Variants in LINGO2 observed in about 807,000 individuals in gnomAD.
LINGO2 encodes the protein leucine rich repeat and Ig domain containing 2, also known as leucine-rich repeat and immunoglobulin-like domain-containing nogo receptor-interacting protein 2.
Under a neutral mutation model 30.6 loss-of-function variants are expected in LINGO2, and 14 were observed. That is an observed-to-expected ratio of 0.46 (90% CI 0.30 to 0.72). The LOEUF is 0.72. LINGO2 is among the 30% of genes least tolerant of loss of function. The pLI, the probability that LINGO2 is intolerant of heterozygous loss-of-function variation, is 0.07. For missense variants in LINGO2, 729 were observed against 751.7 expected, an observed-to-expected ratio of 0.97 and a Z score of 0.35; for synonymous variants, 317 against 288.5, an observed-to-expected ratio of 1.10 and a Z score of -1.00.
At chr9:28,759,068 A>C in the LINGO2 span, among the ~76,000 whole-genome samples, 1 of 151,960 alleles carries the variant, frequency 6.6e-6, no homozygotes, top group Non-Finnish European at 1.5e-5. Context: ...TAGAAGGAAT[A>C]TTTTTCCTTA....
At chr9:29,209,909 T>C in the LINGO2 span, among the ~76,000 whole-genome samples, 1 of 152,060 alleles carries the variant, frequency 6.6e-6, no homozygotes, top group Non-Finnish European at 1.5e-5. Flanking sequence ...AATTGGAGAA[T>C]CAGTAACTGA....
At chr9:28,932,896 T>TTTA in the LINGO2 span, among the ~76,000 whole-genome samples, 2 of 149,182 alleles carry the variant, frequency 1.3e-5, no homozygotes, top group African/African-American at 4.9e-5. Context: ...GTTACCTCTT[T>TTTA]TTATTATATT....
At chr9:28,900,554 G>A in the LINGO2 span, among the ~76,000 whole-genome samples, 1 of 152,158 alleles carries the variant, frequency 6.6e-6, no homozygotes, top group African/African-American at 2.4e-5. Context: ...ATACCCGGGT[G>A]CCAAGCCCAC....
At chr9:28,022,161 T>A in intron 4 of LINGO2, among the ~76,000 whole-genome samples, 1 of 152,072 alleles carries the variant, frequency 6.6e-6, no homozygotes, top group East Asian at 1.9e-4. Flanking sequence ...GCAATATACA[T>A]AATTCACTAA....
the LINGO2 span, among the ~76,000 whole-genome samples, chr9:28,866,496 C>T: frequency 6.6e-6 from 1 of 152,028 alleles, no homozygotes; most frequent in Non-Finnish European, 1.5e-5. Flanking sequence ...AGCATAAACC[C>T]TATAATCAAT....
intron 3 of LINGO2, among the ~76,000 whole-genome samples, chr9:28,342,457 C>T (rs943964409): frequency 6.6e-6 from 1 of 152,128 alleles, no homozygotes; most frequent in Non-Finnish European, 1.5e-5. Flanking sequence ...GCTGCAGTGA[C>T]CCACCAGCCC....
chr9:28,391,604 C>CAT (rs1554715519), intron 2 of LINGO2, among the ~76,000 whole-genome samples: 1 of 147,732 alleles, frequency 6.8e-6, no homozygotes, highest in Non-Finnish European at 1.5e-5. Context: ...TTTATGTTTG[C>CAT]GTGTGTGTGT....
rs111446185 is a variant in LINGO2, at chr9:28,237,125, G to A, written c.-87+58083C>T. On this transcript the variant is annotated intron_variant, in intron 4 of 5. Transcript: ENST00000379992. ...AAAATAGTTAAACAGTGCGGGGGGG[G>A]GGTAAAGTTAAATGTAGGATTTTTA... 4.4e-5 allele frequency among the ~76,000 whole-genome samples: 6 copies of A among 137,044 alleles called. 1 individual carries two copies. The highest frequency in any genetic ancestry group is 2.2e-4 in the Admixed American group (3 of 13,728). 89.9% of individuals were successfully genotyped at this position (137,044 alleles called of 152,430 possible). A position where few individuals can be genotyped will look rare whatever the true frequency, so the allele number is the denominator to read the frequency against.
chr9:28,180,315 T>C (rs1453456064), intron 4 of LINGO2, among the ~76,000 whole-genome samples: 2 of 152,198 alleles, frequency 1.3e-5, no homozygotes, highest in Non-Finnish European at 2.9e-5. Flanking sequence ...AGTACTGTAC[T>C]AGAGCATTTG....
At chr9:28,840,015 C>T in the LINGO2 span, among the ~76,000 whole-genome samples, 3 of 149,436 alleles carry the variant, frequency 2.0e-5, no homozygotes, top group Non-Finnish European at 4.4e-5. Flanking sequence ...CAGGCACACC[C>T]AACTGGGTTG....
At chr9:28,476,338 C>G (rs1825726221) in intron 1 of LINGO2, among the ~76,000 whole-genome samples, 1 of 152,176 alleles carries the variant, frequency 6.6e-6, no homozygotes, top group Admixed American at 6.5e-5. Context: ...TGCAGTGACA[C>G]AATGTCTGCT....
intron 4 of LINGO2, among the ~76,000 whole-genome samples, chr9:28,182,456 T>C (rs548770803): frequency 4.6e-5 from 7 of 152,138 alleles, no homozygotes; most frequent in Admixed American, 4.6e-4. Context: ...AAGCCAAAAT[T>C]GATAAATGGG....
intron 5 of LINGO2, among the ~76,000 whole-genome samples, chr9:28,009,989 A>G (rs1237802801): frequency 6.6e-6 from 1 of 152,198 alleles, no homozygotes; most frequent in African/African-American, 2.4e-5. Flanking sequence ...AAACTGATGA[A>G]CGGATAAATA....
At position 28,188,561 on chromosome 9, in the gene LINGO2, AT is replaced by A. The variant is rs200190498; in HGVS notation, c.-87+106646del. ...TGCTTCCGGAAAAAAAATTACTGTT[AT>A]CTTCTCTATCACCAAAAATTGGGAC... On this transcript the variant is annotated intron_variant, in intron 4 of 5. Coordinates refer to ENST00000379992, the Ensembl canonical transcript of LINGO2. Among the ~76,000 whole-genome samples the A allele has an allele frequency of 3.3e-5, 5 of 152,204 alleles. No homozygotes were observed. In the East Asian group the frequency reaches 9.7e-4, roughly 29 times the overall value.
At chr9:28,853,137 T>C in the LINGO2 span, among the ~76,000 whole-genome samples, 1 of 152,070 alleles carries the variant, frequency 6.6e-6, no homozygotes, top group Non-Finnish European at 1.5e-5. Context: ...CTACAAATGA[T>C]GTTCAAATTA....
At chr9:28,055,390 A>C (rs1358846914) in intron 4 of LINGO2, among the ~76,000 whole-genome samples, 1 of 152,148 alleles carries the variant, frequency 6.6e-6, no homozygotes, top group East Asian at 1.9e-4. Context: ...AAGGAGTCTG[A>C]ATGGCCAGGC....
the LINGO2 span, among the ~76,000 whole-genome samples, chr9:29,201,085 T>C: frequency 8.5e-5 from 13 of 152,190 alleles, no homozygotes; most frequent in African/African-American, 2.9e-4. Context: ...CATTGTAACA[T>C]TACTTTTTCC....
chr9:28,140,049 G>T (rs1462026589), intron 4 of LINGO2, among the ~76,000 whole-genome samples: 1 of 152,286 alleles, frequency 6.6e-6, no homozygotes, highest in African/African-American at 2.4e-5. Context: ...CAATTACAAG[G>T]TAACCTTTGT....
the LINGO2 span, among the ~76,000 whole-genome samples, chr9:29,203,866 G>C: frequency 1.3e-5 from 2 of 152,038 alleles, no homozygotes; most frequent in African/African-American, 4.8e-5. Context: ...CCTTCACTTT[G>C]TGTATTATAT....
Sources: gnomAD v4.1 joint callset for allele counts (sites outside exome capture counted in the v4.1 genomes callset) on GRCh38, gnomAD v4.1.1 for gene constraint, MANE v1.5 for transcripts, NCBI Gene and HGNC (gene_info 2026-07-23, HGNC 2026-07-21) for gene names.